Variants in ZFYVE9 observed in about 807,000 individuals in gnomAD.
The protein encoded by ZFYVE9 is zinc finger FYVE domain-containing protein 9.
ZFYVE9 carries 43 observed loss-of-function variants against 126.7 expected under a neutral mutation model. The observed-to-expected ratio is 0.34, with a 90% CI of 0.27 to 0.44. The LOEUF (loss-of-function observed/expected upper bound fraction) is 0.44. ZFYVE9 is among the 20% of genes least tolerant of loss of function. ZFYVE9 has a pLI of 1.00. For synonymous variants in ZFYVE9, 521 were observed against 597.4 expected, an observed-to-expected ratio of 0.87 and a Z score of 1.87; for missense variants, 1,476 against 1,697.0, an observed-to-expected ratio of 0.87 and a Z score of 2.29.
rs747575639 is a variant in ZFYVE9 at position 52,239,458 on chromosome 1, T to A, written c.2041T>A (p.Ser681Thr). The change falls in exon 4 of 19, where the codon TCT becomes ACT. Residue 681 changes from serine to threonine, a missense_variant. Ser to Thr is a moderately conservative substitution (Grantham distance 58). Coordinates refer to ENST00000287727, the MANE Select transcript of ZFYVE9 (RefSeq NM_004799.4). ...NDLRAGQFGI[S>T]ARKPFTTLGE... Reference sequence around the variant, plus strand: ...TCTCAGAGCTGGTCAGTTTGGAATTTCTGCCAGAAAGCCATTCACCACTCT... The same window carrying A: ...TCTCAGAGCTGGTCAGTTTGGAATTACTGCCAGAAAGCCATTCACCACTCT... 1 of 1,614,164 alleles carries A rather than the reference T, an allele frequency of 6.2e-7. No homozygotes were observed. The highest frequency in any genetic ancestry group is 8.5e-7 in the Non-Finnish European group (1 of 1,180,004).
chr1:52,269,202 T>C (rs1013979863), intron 7 of ZFYVE9, among the ~76,000 whole-genome samples: 3 of 152,158 alleles, frequency 2.0e-5, no homozygotes, highest in African/African-American at 7.2e-5. Flanking sequence ...TGATCTTGGC[T>C]CACTGCAACC....
chr1:52,255,896 CTTTT>C (rs1485841897), intron 4 of ZFYVE9, among the ~76,000 whole-genome samples: 1 of 137,128 alleles, frequency 7.3e-6, no homozygotes, highest in African/African-American at 2.6e-5. Context: ...AGCTATTTTG[CTTTT>C]TTCTTTTCTT....
chr1:52,220,287 G>A (rs1645111630), intron 2 of ZFYVE9, among the ~76,000 whole-genome samples: 1 of 152,160 alleles, frequency 6.6e-6, no homozygotes, highest in South Asian at 2.1e-4. Context: ...TTAATGATGT[G>A]TGCAGTGAAG....
At chr1:52,172,884 G>C (rs1312748266) in intron 1 of ZFYVE9, among the ~76,000 whole-genome samples, 2 of 152,034 alleles carry the variant, frequency 1.3e-5, no homozygotes, top group Non-Finnish European at 2.9e-5. Flanking sequence ...TTGCTTATCA[G>C]CTTAAGGAGA....
chr1:52,222,610 G>A lies in ZFYVE9; in HGVS notation c.-37+6136G>A, dbSNP rs538805238. ...GCATACAGGGTTCAAGGAGTCCATC[G>A]TGGACAAGGCTTTCAATTATATGTT... On this transcript the variant is annotated intron_variant, in intron 2 of 18. Transcript: ENST00000287727. Among the ~76,000 whole-genome samples the A allele has an allele frequency of 4.6e-5, 7 of 152,322 alleles. No individual in the cohort carries two copies. The East Asian group carries it at 9.7e-4, about 21-fold the overall frequency.
Position 52,239,468 on chromosome 1 carries a change from A to G in ZFYVE9, c.2051A>G (p.Lys684Arg). The G allele has an allele frequency of 1.2e-6, 2 of 1,614,166 alleles. No homozygotes were observed. Among genetic ancestry groups the G allele is most frequent in the South Asian group, 1.1e-5 (1 of 91,082 alleles). ...RAGQFGISAR[K>R]PFTTLGEVAP... ...GGTCAGTTTGGAATTTCTGCCAGAA[A>G]GCCATTCACCACTCTGGGTGAGGTG... The change falls in exon 4 of 19, where the codon AAG becomes AGG. Residue 684 changes from lysine to arginine, a missense_variant. Lys to Arg is a conservative substitution (Grantham distance 26, BLOSUM62 2). This residue lies in a region of ZFYVE9 where 807 missense variants were observed against 794.6 expected (regional missense o/e 1.02). Transcript: ENST00000287727.
At chr1:52,193,810 A>G (rs560917613) in intron 1 of ZFYVE9, among the ~76,000 whole-genome samples, 2 of 151,934 alleles carry the variant, frequency 1.3e-5, no homozygotes, top group South Asian at 2.1e-4. Flanking sequence ...ACGCGCGCAC[A>G]CACACACATG....
chr1:52,237,625 A>G lies in ZFYVE9; in HGVS notation c.208A>G (p.Lys70Glu). 6.2e-7 allele frequency: 1 copy of G among 1,614,106 alleles called. No individual in the cohort carries two copies. The highest frequency in any genetic ancestry group is 2.2e-5 in the East Asian group (1 of 44,886). ...AVSNESQPQL[K>E]VFSLAHSAPL... is the part of the protein sequence containing the mutation. ...TTCTAATGAGTCACAACCACAACTG[A>G]AAGTCTTCTCCCTGGCTCATTCAGC... Residue 70 changes from lysine (K) to glutamate (E), a missense_variant, in exon 4 of 19, where the codon AAA becomes GAA. Lys to Glu is a moderately conservative substitution (Grantham distance 56, BLOSUM62 1). This residue lies in a region of ZFYVE9 where 807 missense variants were observed against 794.6 expected (regional missense o/e 1.02). Transcript: ENST00000287727.
rs1645607602 is a variant in ZFYVE9 at position 52,263,769 on chromosome 1, AC to A, written c.2179-3del. The A allele has an allele frequency of 1.5e-5, 3 of 201,144 alleles. No homozygotes were observed. Among genetic ancestry groups the A allele is most frequent in the Admixed American group, 1.5e-4 (2 of 13,746 alleles). 12.5% of individuals were successfully genotyped at this position (201,144 alleles called of 1,614,324 possible). A position where few individuals can be genotyped will look rare whatever the true frequency, so the allele number is the denominator to read the frequency against. On this transcript the variant is annotated splice_polypyrimidine_tract_variant and splice_region_variant and intron_variant, in intron 4 of 18. Transcript: ENST00000287727. ...GTGTGTTCTTCCCCCCCCCCCCCCC[AC>A]AGGTTTTCTGTGCTTCCTGCTGTAG...
intron 12 of ZFYVE9, among the ~76,000 whole-genome samples, chr1:52,301,291 CTTTTTTTTTTTTTT>C (rs527599525): frequency 5.1e-4 from 37 of 72,646 alleles, no homozygotes; most frequent in African/African-American, 2.0e-3. Flanking sequence ...CTTTTTCCAT[CTTTTTTTTTTTTTT>C]TTTTTTTTTT....
At chr1:52,265,208 T>C (rs1645621942) in intron 5 of ZFYVE9, among the ~76,000 whole-genome samples, 1 of 152,188 alleles carries the variant, frequency 6.6e-6, no homozygotes, top group Non-Finnish European at 1.5e-5. Flanking sequence ...TCCTCTCGCA[T>C]GGCTTAGCCC....
chr1:52,313,272 C>A (rs1303815023), intron 13 of ZFYVE9, among the ~76,000 whole-genome samples: 2 of 152,098 alleles, frequency 1.3e-5, no homozygotes, highest in Non-Finnish European at 2.9e-5. Flanking sequence ...AACTAAATAT[C>A]AAGACAAAGT....
At chr1:52,294,027 A>G (rs1428972853) in intron 11 of ZFYVE9, among the ~76,000 whole-genome samples, 3 of 152,224 alleles carry the variant, frequency 2.0e-5, no homozygotes, top group East Asian at 1.9e-4. Context: ...ACGATCAATT[A>G]TATTTTACTT....
At position 52,198,120 on chromosome 1, in the gene ZFYVE9, G is replaced by GTTTTTTTTTTTTT. The variant is rs373096573; in HGVS notation, c.-142-18246_-142-18245insTTTTTTTTTTTTT. ...AAATAATATTGTAGTGTTTTTTTTT[G>GTTTTTTTTTTTTT]TTTGTTTTTTTTTTTTTTTGAGATG... On this transcript the variant is annotated intron_variant, in intron 1 of 18. Coordinates refer to ENST00000287727, the MANE Select transcript of ZFYVE9 (RefSeq NM_004799.4). Among the ~76,000 whole-genome samples the GTTTTTTTTTTTTT allele has an allele frequency of 3.9e-3, 432 of 111,034 alleles. 33 individuals are homozygous for GTTTTTTTTTTTTT. The highest frequency in any genetic ancestry group is 4.7e-3 in the African/African-American group (132 of 28,214). 72.8% of individuals were successfully genotyped at this position (111,034 alleles called of 152,430 possible).
At chr1:52,202,090 G>T (rs1035488098) in intron 1 of ZFYVE9, among the ~76,000 whole-genome samples, 29 of 152,212 alleles carry the variant, frequency 1.9e-4, no homozygotes, top group African/African-American at 6.5e-4. Context: ...AGCCCAAAGT[G>T]ATTATTGATA....
At chr1:52,329,616 T>A (rs1569768551) in intron 13 of ZFYVE9, among the ~76,000 whole-genome samples, 2 of 152,112 alleles carry the variant, frequency 1.3e-5, no homozygotes, top group Non-Finnish European at 1.5e-5. Context: ...TAAGAATTCT[T>A]ACATATCGGC....
intron 3 of ZFYVE9, among the ~76,000 whole-genome samples, chr1:52,236,854 T>G (rs1645277532): frequency 6.6e-6 from 1 of 152,198 alleles, no homozygotes; most frequent in African/African-American, 2.4e-5. Flanking sequence ...TAAACCCCAG[T>G]GTACCCATCA....
chr1:52,340,491 C>T (rs939929601), intron 17 of ZFYVE9, among the ~76,000 whole-genome samples: 22 of 152,220 alleles, frequency 1.4e-4, no homozygotes, highest in African/African-American at 5.1e-4. Context: ...AAGAGTAGAT[C>T]TCTGAGTGGT....
intron 1 of ZFYVE9, among the ~76,000 whole-genome samples, chr1:52,196,500 G>A (rs1644861524): frequency 6.6e-6 from 1 of 152,110 alleles, no homozygotes; most frequent in Admixed American, 6.6e-5. Flanking sequence ...AGCCAGGTGT[G>A]GTGGTGGGTG....
Sources: gnomAD v4.1 joint callset for allele counts (sites outside exome capture counted in the v4.1 genomes callset) on GRCh38, gnomAD v4.1.1 for gene constraint, gnomAD v4.1.1 regional missense constraint, MANE v1.5 for transcripts, NCBI Gene and HGNC (gene_info 2026-07-23, HGNC 2026-07-21) for gene names.